Variants in MGAT4C observed in about 807,000 individuals in gnomAD.
The protein encoded by MGAT4C is MGAT4 family member C, also known as alpha-1,3-mannosyl-glycoprotein 4-beta-N-acetylglucosaminyltransferase C.
A neutral mutation model predicts 40.1 loss-of-function variants in MGAT4C; 19 were observed. The observed-to-expected ratio is 0.47, with a 90% CI of 0.33 to 0.70. The LOEUF is 0.70. Among genes scored for constraint, MGAT4C ranks in the 30% least tolerant of loss-of-function variants. The pLI, the probability that MGAT4C is intolerant of heterozygous loss-of-function variation, is 0.02. For missense variants in MGAT4C, 491 were observed against 563.2 expected (o/e 0.87, Z 1.30); for synonymous variants, 181 against 187.1 (o/e 0.97, Z 0.27).
At chr12:86,089,344 G>A (rs1592906515) in intron 1 of MGAT4C, among the ~76,000 whole-genome samples, 1 of 151,912 alleles carries the variant, frequency 6.6e-6, no homozygotes, top group East Asian at 1.9e-4. Flanking sequence ...CATTGAAAAT[G>A]TATTAAAGTT....
At chr12:86,253,482 G>C (rs1216200224) in intron 1 of MGAT4C, among the ~76,000 whole-genome samples, 1 of 151,856 alleles carries the variant, frequency 6.6e-6, no homozygotes, top group Non-Finnish European at 1.5e-5. Flanking sequence ...CGAATTATTA[G>C]TCTCTGTTTC....
At chr12:86,192,861 G>A (rs1294357430) in intron 1 of MGAT4C, among the ~76,000 whole-genome samples, 1 of 152,062 alleles carries the variant, frequency 6.6e-6, no homozygotes, top group East Asian at 1.9e-4. Flanking sequence ...TTATAGATAT[G>A]TTGGTATGTT....
At position 85,983,558 on chromosome 12, in the gene MGAT4C, T is replaced by C. The variant is rs1160035727; in HGVS notation, c.260A>G (p.Tyr87Cys). The C allele has an allele frequency of 1.3e-6, 2 of 1,593,996 alleles. No homozygotes were observed. The highest frequency in any genetic ancestry group is 8.5e-7 in the Non-Finnish European group (1 of 1,171,838). Residue 87 changes from tyrosine (Y) to cysteine (C), a missense_variant, in exon 4 of 5, where the codon TAT (tyrosine) becomes TGT (cysteine). Transcript: ENST00000611864. ...SNFSGAINVTYRYLAATPLQR... is the reference protein window; with the variant it reads ...SNFSGAINVTCRYLAATPLQR... The stretch of plus-strand genomic sequence containing the variant: ...TAAAGGTGTGGCAGCTAGGTAGCGA[T>C]AGGTGACATTTATGGCTCCTGAGAA...
At chr12:86,200,136 T>G (rs1299933304) in intron 1 of MGAT4C, among the ~76,000 whole-genome samples, 1 of 84,752 alleles carries the variant, frequency 1.2e-5, no homozygotes, top group East Asian at 3.6e-4. Flanking sequence ...TGTTTTTTTT[T>G]TTTTTTTTTT....
At chr12:86,535,240 T>G (rs1168344392) in intron 2 of MGAT4C, among the ~76,000 whole-genome samples, 2 of 152,114 alleles carry the variant, frequency 1.3e-5, no homozygotes, top group Non-Finnish European at 1.5e-5. Flanking sequence ...TTTAACTCAA[T>G]TAAAGCAACA....
At chr12:86,716,341 A>G (rs186639908) in intron 2 of MGAT4C, among the ~76,000 whole-genome samples, 128 of 152,262 alleles carry the variant, frequency 8.4e-4, no homozygotes, top group African/African-American at 2.9e-3. Context: ...TATATTAACT[A>G]CTGCCTCTGC....
At chr12:86,651,098 G>A (rs1963683372) in intron 2 of MGAT4C, among the ~76,000 whole-genome samples, 1 of 151,854 alleles carries the variant, frequency 6.6e-6, no homozygotes, top group Non-Finnish European at 1.5e-5. Flanking sequence ...AGTGTAGTTG[G>A]TGGCATTTAA....
intron 2 of MGAT4C, chr12:86,001,381 T>A (rs1300882470): frequency 6.6e-6 from 1 of 152,470 alleles, no homozygotes; most frequent in Non-Finnish European, 1.5e-5. Flanking sequence ...TAAATTGCCA[T>A]CTTTAACCAG....
intron 2 of MGAT4C, among the ~76,000 whole-genome samples, chr12:85,992,854 T>G (rs1307006820): frequency 6.6e-6 from 1 of 152,128 alleles, no homozygotes; most frequent in Non-Finnish European, 1.5e-5. Flanking sequence ...ACTGTAGGAT[T>G]GATTAAGCCC....
chr12:86,010,883 T>C (rs1239833637), intron 2 of MGAT4C, among the ~76,000 whole-genome samples: 1 of 151,836 alleles, frequency 6.6e-6, no homozygotes, highest in East Asian at 1.9e-4. Flanking sequence ...ATCACAAGAG[T>C]GGGTCTGTTA....
chr12:86,507,784 T>C (rs1180123875), intron 2 of MGAT4C, among the ~76,000 whole-genome samples: 3 of 152,296 alleles, frequency 2.0e-5, no homozygotes, highest in African/African-American at 4.8e-5. Flanking sequence ...TCAGTACTTC[T>C]TTAAAATTGA....
intron 4 of MGAT4C, among the ~76,000 whole-genome samples, chr12:86,310,198 G>A (rs930115445): frequency 1.3e-5 from 2 of 151,904 alleles, no homozygotes; most frequent in African/African-American, 2.4e-5. Flanking sequence ...ATGTGAATGA[G>A]TAAATTGGGC....
At chr12:86,656,241 A>C (rs577872391) in intron 2 of MGAT4C, among the ~76,000 whole-genome samples, 1 of 152,178 alleles carries the variant, frequency 6.6e-6, no homozygotes, top group African/African-American at 2.4e-5. Context: ...TTATTTGTGT[A>C]TGTATATATG....
chr12:86,525,417 T>C (rs1166249698), intron 2 of MGAT4C, among the ~76,000 whole-genome samples: 2 of 152,208 alleles, frequency 1.3e-5, no homozygotes, highest in Non-Finnish European at 2.9e-5. Context: ...GGTCATTCTT[T>C]ATAGCATTGT....
At position 86,627,219 on chromosome 12, in the gene MGAT4C, A is replaced by G. The variant is rs117923584; in HGVS notation, c.-229+99990T>C. 1.8e-4 allele frequency among the ~76,000 whole-genome samples: 27 copies of G among 152,218 alleles called. No homozygotes were observed. The East Asian group carries it at 4.7e-3, about 26-fold the overall frequency. ...GAGTAGGCAAACAAGGTGACCAGGA[A>G]TCTTGAACTCGGTGGAGCCCACCAC... On this transcript the variant is annotated intron_variant, in intron 2 of 7. Coordinates refer to the MGAT4C transcript ENST00000548651.
At chr12:86,391,736 T>C (rs1956163966) in intron 3 of MGAT4C, among the ~76,000 whole-genome samples, 3 of 152,064 alleles carry the variant, frequency 2.0e-5, no homozygotes, top group Admixed American at 6.6e-5. Flanking sequence ...GGCGGGTGCC[T>C]GTAGTCCCAG....
intron 3 of MGAT4C, among the ~76,000 whole-genome samples, chr12:86,361,286 T>G (rs1169794345): frequency 6.6e-6 from 1 of 152,190 alleles, no homozygotes; most frequent in African/African-American, 2.4e-5. Context: ...TAGCCATACG[T>G]AGAAAGCTGA....
At chr12:85,995,114 G>A (rs1396737857) in intron 2 of MGAT4C, among the ~76,000 whole-genome samples, 1 of 151,798 alleles carries the variant, frequency 6.6e-6, no homozygotes, top group African/African-American at 2.4e-5. Flanking sequence ...TTCTAATATT[G>A]GACAACAGGC....
At chr12:86,596,729 A>T (rs1961551309) in intron 2 of MGAT4C, among the ~76,000 whole-genome samples, 2 of 152,208 alleles carry the variant, frequency 1.3e-5, no homozygotes, top group African/African-American at 4.8e-5. Flanking sequence ...TGAGATAGAT[A>T]GCCACACCAC....
Sources: allele counts gnomAD v4.1 joint callset (sites outside exome capture counted in the v4.1 genomes callset), GRCh38; gene constraint gnomAD v4.1.1; transcripts MANE v1.5; gene names NCBI Gene and HGNC (gene_info 2026-07-23, HGNC 2026-07-21).